PANK4: variants seen among roughly 807,000 people sequenced by gnomAD.
PANK4 encodes 4'-phosphopantetheine phosphatase.
A neutral mutation model predicts 87.9 loss-of-function variants in PANK4; 40 were observed. The observed-to-expected ratio is 0.46, with a 90% CI of 0.35 to 0.59. PANK4 has a LOEUF of 0.59. Among genes scored for constraint, PANK4 ranks in the 20% least tolerant of loss-of-function variants. PANK4 has a pLI of 0.00. For missense variants in PANK4, 926 were observed against 1,072.3 expected, an observed-to-expected ratio of 0.86 and a Z score of 1.90; for synonymous variants, 524 against 467.4, an observed-to-expected ratio of 1.12 and a Z score of -1.56.
intron 9 of PANK4, 96 bp downstream of exon 9, chr1:2,518,068 G>A (rs1054308392): frequency 2.3e-5 from 16 of 687,572 alleles, no homozygotes; most frequent in African/African-American, 3.6e-5. Context: ...CCTTTCAGCC[G>A]GGACAGCCAC....
Position 2,518,499 on chromosome 1 carries a change from C to T in PANK4, c.1117+17G>A. ...TGAGGCCCCACGCTGCTCAGGGGCGCCAGCACCGCGACTCACTGTCCTGCT... is the reference window on the plus strand; with the variant it reads ...TGAGGCCCCACGCTGCTCAGGGGCGTCAGCACCGCGACTCACTGTCCTGCT... On this transcript the variant is annotated intron_variant, in intron 8 of 18. Coordinates refer to ENST00000378466, the MANE Select transcript of PANK4 (RefSeq NM_018216.4). 6.4e-7 allele frequency: 1 copy of T among 1,550,886 alleles called. No individual in the cohort carries two copies. Among genetic ancestry groups the T allele is most frequent in the Non-Finnish European group, 8.7e-7 (1 of 1,145,290 alleles).
At chr1:2,521,016 C>T (rs1177177726) in intron 3 of PANK4, 85 bp downstream of exon 3, 17 of 1,525,672 alleles carry the variant, frequency 1.1e-5, no homozygotes, top group Admixed American at 6.8e-5. Context: ...ATCTGACACA[C>T]GAGCGCCAGG....
In PANK4 at chr1:2,521,088, G is replaced by C. The variant is rs1245324471; in HGVS notation, c.422+13C>G. ...ACACATGTTCCTTTCTCGCCCTTGA[G>C]ATCCCCACTCACTTCAGCCGCAGCT... On this transcript the variant is annotated intron_variant, in intron 3 of 18. Transcript: ENST00000378466. 6.2e-7 allele frequency: 1 copy of C among 1,605,598 alleles called. No individual in the cohort carries two copies. The highest frequency in any genetic ancestry group is 8.5e-7 in the Non-Finnish European group (1 of 1,173,516).
At position 2,510,030 on chromosome 1, in the gene PANK4, C is replaced by T. The variant is rs1436926566; in HGVS notation, c.2039+27G>A. On this transcript the variant is annotated intron_variant, in intron 17 of 18. Transcript: ENST00000378466. The surrounding 1 kb of genome is among the most constrained non-coding windows in gnomAD (Gnocchi z 4.9). ...GCTGGTGCCCCTCCCCATCAAGGCC[C>T]CCCCAGCACTGCCCGCCAACACTCA... The T allele has an allele frequency of 6.3e-7, 1 of 1,585,322 alleles. No homozygotes were observed. The highest frequency in any genetic ancestry group is 8.6e-7 in the Non-Finnish European group (1 of 1,160,076).
rs1643639768 is a variant in PANK4, at chr1:2,510,338, G to A, written c.1939-181C>T. On this transcript the variant is annotated intron_variant, in intron 16 of 18. Transcript: ENST00000378466. This position sits in a 1 kb window ranked among gnomAD's most constrained non-coding sequence, Gnocchi z 4.9. Reference sequence around the variant, plus strand: ...CCTTGCCACTCTGTGGCCCCTGGGAGGGAGCTGAGCCGAGGGGCAGAGCTG... The same window carrying A: ...CCTTGCCACTCTGTGGCCCCTGGGAAGGAGCTGAGCCGAGGGGCAGAGCTG... 1 of 622,886 alleles carries A rather than the reference G, an allele frequency of 1.6e-6. No homozygotes were observed. The highest frequency in any genetic ancestry group is 2.7e-5 in the East Asian group (1 of 36,518). The allele number at this position is 622,886 out of a possible 1,614,324, so 38.6% of individuals were successfully genotyped here.
intron 1 of PANK4, among the ~76,000 whole-genome samples, chr1:2,522,228 C>T (rs1207422302): frequency 6.6e-6 from 1 of 152,214 alleles, no homozygotes; most frequent in Admixed American, 6.5e-5. Flanking sequence ...CTCGACCGTC[C>T]CTGCTTACAA....
chr1:2,521,675 A>AGAAGCGGCT (rs1484880316), intron 2 of PANK4, 43 bp downstream of exon 2: 1 of 1,467,208 alleles, frequency 6.8e-7, no homozygotes, highest in East Asian at 2.3e-5. Context: ...AAGACGACAG[A>AGAAGCGGCT]GAAGCGGCTG....
intron 1 of PANK4, among the ~76,000 whole-genome samples, chr1:2,522,841 AGGGG>A (rs1160511793): frequency 2.7e-5 from 4 of 149,618 alleles, no homozygotes; most frequent in African/African-American, 5.0e-5. Flanking sequence ...GACTTAACGG[AGGGG>A]ACCGTGTGGT....
At position 2,520,223 on chromosome 1, in the gene PANK4, C is replaced by T; in HGVS notation, c.699+99G>A. Reference sequence around the variant, plus strand: ...CCACTGACGCGAGTCAGGAGGGAGGCCCGGAAGCAGCTTTTGCACCGCCCA... The same window carrying T: ...CCACTGACGCGAGTCAGGAGGGAGGTCCGGAAGCAGCTTTTGCACCGCCCA... On this transcript the variant is annotated intron_variant, in intron 5 of 18. Coordinates refer to ENST00000378466, the MANE Select transcript of PANK4 (RefSeq NM_018216.4). This position sits in a 1 kb window ranked among gnomAD's most constrained non-coding sequence, Gnocchi z 6.2. The T allele has an allele frequency of 8.8e-7, 1 of 1,140,782 alleles. No individual in the cohort carries two copies. The allele number at this position is 1,140,782 out of a possible 1,614,324, so 70.7% of individuals were successfully genotyped here.
At chr1:2,523,879 G>A (rs1379145786) in intron 1 of PANK4, among the ~76,000 whole-genome samples, 6 of 152,256 alleles carry the variant, frequency 3.9e-5, no homozygotes, top group Non-Finnish European at 8.8e-5. Flanking sequence ...CGGGCTGCCC[G>A]CGCTCGGCCC....
chr1:2,509,135 A>C lies in PANK4; in HGVS notation c.2109-75T>G. The C allele has an allele frequency of 2.0e-5, 23 of 1,142,190 alleles. No individual in the cohort carries two copies. The highest frequency in any genetic ancestry group is 6.7e-5 in the Admixed American group (3 of 44,516). 70.8% of individuals were successfully genotyped at this position (1,142,190 alleles called of 1,614,324 possible). ...CACTTCCCATACAGTGCGGCGACCAACGTGAAGGCTGAAACCCCTACCGCT... is the reference window on the plus strand; with the variant it reads ...CACTTCCCATACAGTGCGGCGACCACCGTGAAGGCTGAAACCCCTACCGCT... On this transcript the variant is annotated intron_variant, in intron 18 of 18. Coordinates refer to ENST00000378466, the MANE Select transcript of PANK4 (RefSeq NM_018216.4). The surrounding 1 kb of genome is among the most constrained non-coding windows in gnomAD (Gnocchi z 4.9).
chr1:2,512,842 G>A (rs1157139057), intron 13 of PANK4, 46 bp downstream of exon 13: 3 of 1,596,522 alleles, frequency 1.9e-6, no homozygotes, highest in Non-Finnish European at 2.6e-6. Flanking sequence ...GGGCAGGACA[G>A]GCACCCACAG....
At position 2,510,396 on chromosome 1, in the gene PANK4, T is replaced by TCCGATAGGC; in HGVS notation, c.1939-240_1939-239insGCCTATCGG. 1.7e-6 allele frequency: 1 copy of TCCGATAGGC among 597,948 alleles called. No individual in the cohort carries two copies. The highest frequency in any genetic ancestry group is 2.8e-5 in the East Asian group (1 of 36,136). The allele number at this position is 597,948 out of a possible 1,614,324, so 37.0% of individuals were successfully genotyped here. A position where few individuals can be genotyped will look rare whatever the true frequency, so the allele number is the denominator to read the frequency against. ...AGCCTGCCCCTGGGACCTGCCTGTC[T>TCCGATAGGC]GTGAAGTCACAGCCCCAAAGCCTCC... is the stretch of plus-strand genomic sequence containing the variant. On this transcript the variant is annotated intron_variant, in intron 16 of 18. Transcript: ENST00000378466. This position sits in a 1 kb window ranked among gnomAD's most constrained non-coding sequence, Gnocchi z 4.9.
intron 9 of PANK4, among the ~76,000 whole-genome samples, chr1:2,516,248 G>A (rs1468888071): frequency 2.6e-5 from 4 of 152,064 alleles, no homozygotes; most frequent in African/African-American, 9.7e-5. Context: ...GAGTCCCCAC[G>A]CCCCACATGC....
At position 2,526,550 on chromosome 1, in the gene PANK4, C is replaced by T. The variant is rs139160070; in HGVS notation, c.38G>A (p.Gly13Glu). The T allele has an allele frequency of 6.2e-7, 1 of 1,602,822 alleles. No homozygotes were observed. Among genetic ancestry groups the T allele is most frequent in the Non-Finnish European group, 8.5e-7 (1 of 1,175,384 alleles). ...CGTGATGCTCTTGTCCAGACTGTCC[C>T]CGCTGCTCCCGCTGCCGCTCGCTCC... ...ECGASGSGSSGDSLDKSITLP... is the reference protein window; with the variant it reads ...ECGASGSGSSEDSLDKSITLP... Residue 13 changes from glycine (G) to glutamate (E), a missense_variant, in exon 1 of 19, where the codon GGG (glycine) becomes GAG (glutamate). Physicochemically the swap from Gly to Glu is moderately conservative, Grantham distance 98 (BLOSUM62 -2). Transcript: ENST00000378466.
chr1:2,510,521 G>C lies in PANK4; in HGVS notation c.1938+157C>G, dbSNP rs1399918480. On this transcript the variant is annotated intron_variant, in intron 16 of 18. Transcript: ENST00000378466. This position sits in a 1 kb window ranked among gnomAD's most constrained non-coding sequence, Gnocchi z 4.9. ...GGGGCTCGGAGCCTCCACCCCAGCA[G>C]ATGACGGCTCTGGGCCGCCTCCCCC... The C allele has an allele frequency of 3.1e-6, 2 of 646,204 alleles. No homozygotes were observed. The highest frequency in any genetic ancestry group is 5.5e-6 in the Non-Finnish European group (2 of 363,048). 40.0% of individuals were successfully genotyped at this position (646,204 alleles called of 1,614,324 possible). A position where few individuals can be genotyped will look rare whatever the true frequency, so the allele number is the denominator to read the frequency against.
At position 2,515,847 on chromosome 1, in the gene PANK4, C is replaced by G; in HGVS notation, c.1219-130G>C. On this transcript the variant is annotated intron_variant, in intron 9 of 18. Coordinates refer to ENST00000378466, the MANE Select transcript of PANK4 (RefSeq NM_018216.4). This position sits in a 1 kb window ranked among gnomAD's most constrained non-coding sequence, Gnocchi z 5.0. ...CTTCTTCCGCCACGTCTCTGGGCCA[C>G]AGACGAGACCCCCACTGGGCCCCCT... 1 of 927,490 alleles carries G rather than the reference C, an allele frequency of 1.1e-6. No individual in the cohort carries two copies. The highest frequency in any genetic ancestry group is 1.6e-6 in the Non-Finnish European group (1 of 616,046). The allele number at this position is 927,490 out of a possible 1,614,324, so 57.5% of individuals were successfully genotyped here. A position where few individuals can be genotyped will look rare whatever the true frequency, so the allele number is the denominator to read the frequency against.
intron 1 of PANK4, among the ~76,000 whole-genome samples, chr1:2,523,429 T>A (rs1011561697): frequency 1.3e-5 from 2 of 152,186 alleles, no homozygotes; most frequent in African/African-American, 4.8e-5. Flanking sequence ...ATAAATCGTT[T>A]TCTAAAACGA....
chr1:2,519,425 A>AC lies in PANK4; in HGVS notation c.854-102_854-101insG, dbSNP rs1643846234. The AC allele has an allele frequency of 2.5e-5, 1 of 40,608 alleles. No homozygotes were observed. Among genetic ancestry groups the AC allele is most frequent in the Non-Finnish European group, 4.2e-5 (1 of 23,558 alleles). 2.5% of individuals were successfully genotyped at this position (40,608 alleles called of 1,614,324 possible). ...GGGAGAGAGAGCTGAGTGGGAGGGGAGGGGGAGAGAGAGCTGAGTGGGAGG... is the reference window on the plus strand; with the variant it reads ...GGGAGAGAGAGCTGAGTGGGAGGGGACGGGGGAGAGAGAGCTGAGTGGGAGG... On this transcript the variant is annotated intron_variant, in intron 6 of 18. Transcript: ENST00000378466. This position sits in a 1 kb window ranked among gnomAD's most constrained non-coding sequence, Gnocchi z 8.3.
Sources: allele counts gnomAD v4.1 joint callset (sites outside exome capture counted in the v4.1 genomes callset), GRCh38; gene constraint gnomAD v4.1.1; non-coding constraint Gnocchi (gnomAD v3.1); transcripts MANE v1.5; gene names NCBI Gene and HGNC (gene_info 2026-07-23, HGNC 2026-07-21).